The following PDE7B variants were observed in gnomAD, a reference collection of about 807,000 sequenced individuals.
The protein encoded by PDE7B is phosphodiesterase 7B.
PDE7B carries 29 observed loss-of-function variants against 56.2 expected under a neutral mutation model. The observed-to-expected ratio is 0.52, with a 90% CI of 0.38 to 0.70. The LOEUF (loss-of-function observed/expected upper bound fraction) is 0.70, where lower values mean the gene tolerates loss of function less well. Among genes scored for constraint, PDE7B ranks in the 30% least tolerant of loss-of-function variants. The pLI, the probability that PDE7B is intolerant of heterozygous loss-of-function variation, is 0.00. For missense variants in PDE7B, 490 were observed against 565.0 expected, an observed-to-expected ratio of 0.87 and a Z score of 1.35; for synonymous variants, 197 against 196.9, an observed-to-expected ratio of 1.00 and a Z score of 0.00.
In PDE7B at chr6:136,195,071, T is replaced by C. The variant is rs750310236; in HGVS notation, c.*3231T>C. On this transcript the variant is annotated 3_prime_UTR_variant, in exon 13 of 13. Coordinates refer to ENST00000308191, the MANE Select transcript of PDE7B (RefSeq NM_018945.4). ...AGCTGACGGTAAAGTTAAGATTAAA[T>C]TAAGACAGAGAGAGAATACATATCA... 6.6e-6 allele frequency: 1 copy of C among 152,144 alleles called. No homozygotes were observed. Among genetic ancestry groups the C allele is most frequent in the Non-Finnish European group, 1.5e-5 (1 of 68,034 alleles). 9.4% of individuals were successfully genotyped at this position (152,144 alleles called of 1,614,324 possible).
chr6:136,029,009 C>CATTCCCAT (rs1776195744), intron 2 of PDE7B, among the ~76,000 whole-genome samples: 1 of 152,136 alleles, frequency 6.6e-6, no homozygotes, highest in African/African-American at 2.4e-5. Context: ...GTTTACAGGA[C>CATTCCCAT]TAGGTGAGTG....
chr6:136,053,135 T>A (rs982155692), intron 2 of PDE7B, among the ~76,000 whole-genome samples: 3 of 152,090 alleles, frequency 2.0e-5, no homozygotes, highest in African/African-American at 7.2e-5. Flanking sequence ...TGTATACATG[T>A]GCCACGTTGG....
chr6:136,055,714 G>C (rs1776716851), intron 2 of PDE7B, among the ~76,000 whole-genome samples: 1 of 152,212 alleles, frequency 6.6e-6, no homozygotes, highest in African/African-American at 2.4e-5. Flanking sequence ...GTGAGGAGCA[G>C]CTGGGTGCTA....
chr6:135,854,595 A>C (rs1049468085), intron 1 of PDE7B, among the ~76,000 whole-genome samples: 1 of 152,188 alleles, frequency 6.6e-6, no homozygotes, highest in African/African-American at 2.4e-5. Flanking sequence ...GACCATCTCT[A>C]ATCTCTATTG....
intron 2 of PDE7B, among the ~76,000 whole-genome samples, chr6:136,063,292 T>C (rs1776874503): frequency 6.6e-6 from 1 of 152,208 alleles, no homozygotes; most frequent in South Asian, 2.1e-4. Flanking sequence ...ATGGAGACTC[T>C]GGCTCAGTGG....
chr6:136,170,717 T>C (rs1397166501), intron 8 of PDE7B, among the ~76,000 whole-genome samples: 2 of 152,128 alleles, frequency 1.3e-5, no homozygotes, highest in Admixed American at 1.3e-4. Context: ...AGAGTCTTCT[T>C]ACTAGCGGAA....
intron 2 of PDE7B, among the ~76,000 whole-genome samples, chr6:136,084,223 T>C (rs1777251731): frequency 6.6e-6 from 1 of 152,172 alleles, no homozygotes; most frequent in African/African-American, 2.4e-5. Flanking sequence ...ATATCCCAAT[T>C]CGCTAAAGTT....
intron 2 of PDE7B, among the ~76,000 whole-genome samples, chr6:136,090,547 T>C (rs1333337974): frequency 6.6e-6 from 1 of 152,230 alleles, no homozygotes; most frequent in Admixed American, 6.5e-5. Flanking sequence ...TCGATAAATA[T>C]TTTTCAACAG....
In PDE7B at chr6:136,046,971, G is replaced by T. The variant is rs930521814; in HGVS notation, c.83-61760G>T. On this transcript the variant is annotated intron_variant, in intron 2 of 12. Coordinates refer to ENST00000308191, the MANE Select transcript of PDE7B (RefSeq NM_018945.4). Reference sequence around the variant, plus strand: ...AAATGATCTTCCACGTATGCCTCTAGAGGGGTGGAAGCAGAGGATATGCAC... The same window carrying T: ...AAATGATCTTCCACGTATGCCTCTATAGGGGTGGAAGCAGAGGATATGCAC... Among the ~76,000 whole-genome samples the T allele has an allele frequency of 1.2e-4, 19 of 152,142 alleles. No homozygotes were observed. In the South Asian group the frequency reaches 1.7e-3, roughly 13 times the overall value.
chr6:135,877,887 A>G lies in PDE7B; in HGVS notation c.21+25868A>G, dbSNP rs188422163. 2.5e-3 allele frequency among the ~76,000 whole-genome samples: 379 copies of G among 152,208 alleles called. 2 individuals carry two copies. The highest frequency in any genetic ancestry group is 8.7e-3 in the African/African-American group (361 of 41,526). On this transcript the variant is annotated intron_variant, in intron 1 of 12. Coordinates refer to ENST00000308191, the MANE Select transcript of PDE7B (RefSeq NM_018945.4). ...CACGTGCTTCAGAATTAAGCCACCC[A>G]GAGGGCTGAAGGAGCTCGTATATTT...
intron 1 of PDE7B, among the ~76,000 whole-genome samples, chr6:135,884,483 A>C (rs1775666511): frequency 6.6e-6 from 1 of 152,148 alleles, no homozygotes; most frequent in Non-Finnish European, 1.5e-5. Flanking sequence ...GATATCACAG[A>C]AGTCCTTTCT....
chr6:136,160,440 G>A (rs1323983504), intron 8 of PDE7B, among the ~76,000 whole-genome samples: 3 of 152,034 alleles, frequency 2.0e-5, no homozygotes, highest in Non-Finnish European at 4.4e-5. Context: ...GCTGCTTTTT[G>A]CTAGGGAGGA....
At chr6:135,967,493 C>A (rs972188058) in intron 2 of PDE7B, among the ~76,000 whole-genome samples, 7 of 152,226 alleles carry the variant, frequency 4.6e-5, no homozygotes, top group African/African-American at 1.4e-4. Context: ...ATTGCTAGCA[C>A]CAGAACTTCA....
chr6:135,985,457 T>TG (rs565799471), intron 2 of PDE7B, among the ~76,000 whole-genome samples: 98 of 152,284 alleles, frequency 6.4e-4, no homozygotes, highest in African/African-American at 2.2e-3. Context: ...TGAAAATGAG[T>TG]GTGAAGAGGA....
Position 136,098,133 on chromosome 6 carries a change from T to TGGG in PDE7B, c.83-10586_83-10584dup, listed in dbSNP as rs57460615. The stretch of plus-strand genomic sequence containing the variant: ...ACACAATATAACTCTCTTTAGTTCC[T>TGGG]GGGGGGGGGGGGGGAAATATATGTA... On this transcript the variant is annotated intron_variant, in intron 2 of 12. Coordinates refer to ENST00000308191, the MANE Select transcript of PDE7B (RefSeq NM_018945.4). The TGGG allele has an allele frequency of 2.5e-4, 13 of 51,372 alleles. No individual in the cohort carries two copies. In the East Asian group the frequency reaches 3.7e-3, roughly 15 times the overall value. 3.2% of individuals were successfully genotyped at this position (51,372 alleles called of 1,614,324 possible).
At chr6:135,998,583 T>C (rs890319444) in intron 2 of PDE7B, among the ~76,000 whole-genome samples, 7 of 151,650 alleles carry the variant, frequency 4.6e-5, no homozygotes, top group Non-Finnish European at 5.9e-5. Flanking sequence ...GGTGAAACCC[T>C]GTCTCTACTA....
At chr6:135,901,579 C>A (rs1176859074) in intron 1 of PDE7B, among the ~76,000 whole-genome samples, 3 of 151,976 alleles carry the variant, frequency 2.0e-5, no homozygotes, top group Non-Finnish European at 2.9e-5. Context: ...AGCCTCTCAG[C>A]GATTGGAAGA....
intron 2 of PDE7B, among the ~76,000 whole-genome samples, chr6:136,069,258 C>G (rs1777005429): frequency 6.6e-6 from 1 of 152,156 alleles, no homozygotes; most frequent in African/African-American, 2.4e-5. Context: ...GGCTGAGGAG[C>G]TGGAAGCAGT....
intron 1 of PDE7B, among the ~76,000 whole-genome samples, chr6:135,886,195 C>G (rs959461958): frequency 2.0e-5 from 3 of 151,800 alleles, no homozygotes; most frequent in African/African-American, 7.3e-5. Flanking sequence ...CATAAGGTGT[C>G]CTTATATTGT....
Sources: gnomAD v4.1 joint callset for allele counts (sites outside exome capture counted in the v4.1 genomes callset) on GRCh38, gnomAD v4.1.1 for gene constraint, MANE v1.5 for transcripts, NCBI Gene and HGNC (gene_info 2026-07-23, HGNC 2026-07-21) for gene names.